KHDRBS2: variants seen among roughly 807,000 people sequenced by gnomAD.
The protein encoded by KHDRBS2 is KH RNA binding domain containing, signal transduction associated 2, also known as KH domain-containing, RNA-binding, signal transduction-associated protein 2.
In KHDRBS2, 26 loss-of-function variants were observed where a neutral mutation model predicts 44.3. The ratio of observed to expected loss-of-function variants is 0.59; its 90% CI spans 0.43 to 0.81. KHDRBS2 has a LOEUF of 0.81. KHDRBS2 is among the 40% of genes least tolerant of loss of function. The pLI is 0.00. For missense variants in KHDRBS2, 476 were observed against 433.1 expected (o/e 1.10, Z -0.88); for synonymous variants, 194 against 151.1 (o/e 1.28, Z -2.08).
At chr6:61,957,733 C>T (rs1767724583) in intron 4 of KHDRBS2, among the ~76,000 whole-genome samples, 1 of 152,138 alleles carries the variant, frequency 6.6e-6, no homozygotes. Flanking sequence ...GTCCTGTGAT[C>T]TCACCCTGCC....
chr6:62,269,877 G>C (rs1433787498), intron 1 of KHDRBS2, among the ~76,000 whole-genome samples: 1 of 151,904 alleles, frequency 6.6e-6, no homozygotes, highest in Non-Finnish European at 1.5e-5. Context: ...TTTGGTCAAC[G>C]GTGTACTTCT....
intron 4 of KHDRBS2, among the ~76,000 whole-genome samples, chr6:61,961,286 T>C (rs1268874702): frequency 1.3e-5 from 2 of 152,072 alleles, no homozygotes; most frequent in Non-Finnish European, 2.9e-5. Flanking sequence ...TTGTACATTC[T>C]AGTAGGGGAG....
chr6:62,138,500 G>A (rs1319017290), intron 2 of KHDRBS2, among the ~76,000 whole-genome samples: 2 of 152,154 alleles, frequency 1.3e-5, no homozygotes, highest in Non-Finnish European at 1.5e-5. Context: ...AACTAAAAAT[G>A]TTGTCTTTTA....
chr6:61,618,350 T>G, the KHDRBS2 span, among the ~76,000 whole-genome samples: 1 of 152,180 alleles, frequency 6.6e-6, no homozygotes, highest in Non-Finnish European at 1.5e-5. Flanking sequence ...CATGACCAAT[T>G]TTAGATTGAT....
intron 6 of KHDRBS2, among the ~76,000 whole-genome samples, chr6:61,839,605 G>A (rs1720697988): frequency 6.6e-6 from 1 of 151,930 alleles, no homozygotes; most frequent in African/African-American, 2.4e-5. Context: ...TTATGTTTTT[G>A]GCTTTACCAT....
At chr6:61,925,742 G>A (rs1472181437) in intron 4 of KHDRBS2, among the ~76,000 whole-genome samples, 60 of 142,426 alleles carry the variant, frequency 4.2e-4, no homozygotes, top group Non-Finnish European at 6.1e-4. Flanking sequence ...AAAAAAAAAA[G>A]AAATTTGTAG....
chr6:62,218,517 C>G (rs1466967014), intron 1 of KHDRBS2, among the ~76,000 whole-genome samples: 2 of 151,540 alleles, frequency 1.3e-5, no homozygotes, highest in African/African-American at 4.8e-5. Flanking sequence ...AGACAGATAT[C>G]AAATATGTAT....
chr6:61,941,581 C>T lies in KHDRBS2; in HGVS notation c.483+36485G>A, dbSNP rs138620995. ...ACTGATCTAACCTGGTGCTGCAGTC[C>T]GCAGGAAAACTTTACCACAGCCTCC... On this transcript the variant is annotated intron_variant, in intron 4 of 8. Transcript: ENST00000281156. 3.0e-4 allele frequency among the ~76,000 whole-genome samples: 46 copies of T among 152,080 alleles called. 1 individual carries two copies. The East Asian group carries it at 5.2e-3, about 17-fold the overall frequency.
In KHDRBS2 at chr6:61,680,752, T is replaced by TGTAAAA; in HGVS notation, c.*210_*211insTTTTAC. The stretch of plus-strand genomic sequence containing the variant: ...TAGACTATGCTTGCTAATGTCTTTT[T>TGTAAAA]CAGTCTGTTTTGTAAAATAATACTA... On this transcript the variant is annotated 3_prime_UTR_variant, in exon 9 of 9. Coordinates refer to ENST00000281156, the MANE Select transcript of KHDRBS2 (RefSeq NM_152688.4). 1 of 409,522 alleles carries TGTAAAA rather than the reference T, an allele frequency of 2.4e-6. No homozygotes were observed. The highest frequency in any genetic ancestry group is 4.4e-6 in the Non-Finnish European group (1 of 228,160). 25.4% of individuals were successfully genotyped at this position (409,522 alleles called of 1,614,324 possible). A position where few individuals can be genotyped will look rare whatever the true frequency, so the allele number is the denominator to read the frequency against.
the KHDRBS2 span, among the ~76,000 whole-genome samples, chr6:61,582,488 A>C: frequency 1.3e-5 from 2 of 151,808 alleles, no homozygotes; most frequent in Non-Finnish European, 3.0e-5. Context: ...TCAAAATATC[A>C]CTAATAAAGT....
chr6:62,064,654 G>A (rs1490692768), intron 2 of KHDRBS2, among the ~76,000 whole-genome samples: 6 of 151,746 alleles, frequency 4.0e-5, no homozygotes, highest in African/African-American at 4.8e-5. Flanking sequence ...AGATTTGAAC[G>A]TTAGACCTAA....
At chr6:62,099,051 T>C (rs1801270793) in intron 2 of KHDRBS2, among the ~76,000 whole-genome samples, 1 of 152,230 alleles carries the variant, frequency 6.6e-6, no homozygotes, top group Non-Finnish European at 1.5e-5. Context: ...TTTCTCTACA[T>C]ATTCTTAAGG....
the KHDRBS2 span, among the ~76,000 whole-genome samples, chr6:61,642,495 TAA>T: frequency 2.2e-5 from 3 of 133,986 alleles, no homozygotes; most frequent in Non-Finnish European, 3.1e-5. Flanking sequence ...GTTTCTATAT[TAA>T]AAAAAAAAAA....
intron 6 of KHDRBS2, among the ~76,000 whole-genome samples, chr6:61,812,170 C>G (rs373231062): frequency 2.0e-5 from 3 of 151,860 alleles, no homozygotes; most frequent in African/African-American, 7.3e-5. Flanking sequence ...ATTTCACTTA[C>G]CTTCACCATC....
chr6:61,840,861 C>T (rs1159735672), intron 6 of KHDRBS2, among the ~76,000 whole-genome samples: 3 of 152,216 alleles, frequency 2.0e-5, no homozygotes, highest in African/African-American at 7.2e-5. Flanking sequence ...ATGTTTCATT[C>T]CCGAAACATG....
At chr6:61,803,880 C>G (rs1786696212) in intron 6 of KHDRBS2, among the ~76,000 whole-genome samples, 1 of 152,048 alleles carries the variant, frequency 6.6e-6, no homozygotes, top group Non-Finnish European at 1.5e-5. Context: ...GGTCCATGAT[C>G]TAATCACCTC....
chr6:61,778,969 T>C (rs142204360), intron 6 of KHDRBS2, among the ~76,000 whole-genome samples: 438 of 152,280 alleles, frequency 2.9e-3, no homozygotes, highest in Admixed American at 5.6e-3. Flanking sequence ...TCAGACCCAT[T>C]TCCACACTGA....
the KHDRBS2 span, among the ~76,000 whole-genome samples, chr6:61,589,584 C>T: frequency 1.3e-5 from 2 of 152,146 alleles, no homozygotes; most frequent in East Asian, 3.9e-4. Flanking sequence ...ATCACTCAAA[C>T]ATATTCAGAA....
intron 2 of KHDRBS2, among the ~76,000 whole-genome samples, chr6:62,105,573 T>C (rs1490369509): frequency 2.0e-5 from 3 of 152,196 alleles, no homozygotes; most frequent in African/African-American, 7.2e-5. Context: ...GTAGAGGTGT[T>C]TGTAGTATTC....
Sources: gnomAD v4.1 joint callset for allele counts (sites outside exome capture counted in the v4.1 genomes callset) on GRCh38, gnomAD v4.1.1 for gene constraint, MANE v1.5 for transcripts, NCBI Gene and HGNC (gene_info 2026-07-23, HGNC 2026-07-21) for gene names.